Variants in PTGES3L observed in about 807,000 individuals in gnomAD.
The protein encoded by PTGES3L is prostaglandin E synthase 3 like.
PTGES3L carries 17 observed loss-of-function variants against 25.0 expected under a neutral mutation model. That is an observed-to-expected ratio of 0.68 (90% CI 0.47 to 1.02). The LOEUF is 1.02. Ranked by LOEUF, PTGES3L falls within the 50% of genes least tolerant of loss-of-function variation. The pLI is 0.00. For missense variants in PTGES3L, 202 were observed against 197.5 expected (o/e 1.02, Z -0.14); for synonymous variants, 59 against 65.7 (o/e 0.90, Z 0.50).
At chr17:42,970,207 G>A (rs547418424) in intron 6 of PTGES3L, 82 bp downstream of exon 6, 149 of 1,545,770 alleles carry the variant, frequency 9.6e-5, no homozygotes, top group Admixed American at 1.4e-4. Flanking sequence ...CTGTGTGCTA[G>A]GAACTGGGAT....
chr17:42,978,235 C>T (rs146143266), intron 4 of PTGES3L, among the ~76,000 whole-genome samples: 4,685 of 151,850 alleles, frequency 0.031, 110 homozygotes, highest in South Asian at 0.092. Context: ...GGTGAAACCC[C>T]GTCTCTACTA....
intron 4 of PTGES3L, among the ~76,000 whole-genome samples, chr17:42,975,030 A>G (rs974835226): frequency 1.3e-5 from 2 of 150,910 alleles, no homozygotes; most frequent in Admixed American, 1.3e-4. Flanking sequence ...CACCTACTCA[A>G]GAGGCTAAGG....
chr17:42,972,348 C>G (rs2049858492), intron 4 of PTGES3L, among the ~76,000 whole-genome samples: 2 of 143,192 alleles, frequency 1.4e-5, no homozygotes, highest in Non-Finnish European at 3.1e-5. Flanking sequence ...TCCCCATGGT[C>G]TCCCTCTCTT....
At position 42,968,211 on chromosome 17, in the gene PTGES3L, T is replaced by C. The variant is rs1469849732; in HGVS notation, c.*937A>G. On this transcript the variant is annotated 3_prime_UTR_variant, in exon 7 of 7. Transcript: ENST00000591916. ...GCTGTTGGACAAATAAACATAGACATTAACTAGAGTAACAATCAGTTTTAA... is the reference window on the plus strand; with the variant it reads ...GCTGTTGGACAAATAAACATAGACACTAACTAGAGTAACAATCAGTTTTAA... The C allele has an allele frequency of 6.6e-6, 1 of 152,048 alleles. No homozygotes were observed. The highest frequency in any genetic ancestry group is 2.4e-5 in the African/African-American group (1 of 41,412). The allele number at this position is 152,048 out of a possible 1,614,324, so 9.4% of individuals were successfully genotyped here. A position where few individuals can be genotyped will look rare whatever the true frequency, so the allele number is the denominator to read the frequency against.
At position 42,979,559 on chromosome 17, in the gene PTGES3L, A is replaced by G; in HGVS notation, c.113T>C (p.Ile38Thr). 1 of 1,614,126 alleles carries G rather than the reference A, an allele frequency of 6.2e-7. No homozygotes were observed. Among genetic ancestry groups the G allele is most frequent in the Non-Finnish European group, 8.5e-7 (1 of 1,180,010 alleles). Residue 38 changes from isoleucine to threonine, a missense_variant, in exon 2 of 7, where the codon ATT becomes ACT. Transcript: ENST00000591916. ...ACGGCAGGGCCACTACCTGAACACAATGCGGTGATCCTCAATAAGCACGTG... is the reference window on the plus strand; with the variant it reads ...ACGGCAGGGCCACTACCTGAACACAGTGCGGTGATCCTCAATAAGCACGTG... ...DVHVLIEDHR[I>T]VFSCKNADGV...
At position 42,970,297 on chromosome 17, in the gene PTGES3L, C is replaced by A; in HGVS notation, c.424G>T (p.Asp142Tyr). Reference protein sequence around the residue: ...STKRPPPAMDDLDDDSDSADD... With the variant: ...STKRPPPAMDYLDDDSDSADD... The stretch of plus-strand genomic sequence containing the variant: ...GGGAAGGCTTTACTTACATCCAAAT[C>A]ATCCATGGCAGGTGGAGGTCTCTTG... The change falls in exon 6 of 7, where the codon GAT (aspartate) becomes TAT (tyrosine). Residue 142 changes from aspartate to tyrosine, a missense_variant. Physicochemically the swap from Asp to Tyr is radical, Grantham distance 160. Transcript: ENST00000591916. The A allele has an allele frequency of 6.2e-7, 1 of 1,613,926 alleles. No homozygotes were observed. The highest frequency in any genetic ancestry group is 8.5e-7 in the Non-Finnish European group (1 of 1,179,892).
At chr17:42,974,003 T>A (rs367825216) in intron 4 of PTGES3L, among the ~76,000 whole-genome samples, 3 of 145,366 alleles carry the variant, frequency 2.1e-5, no homozygotes, top group African/African-American at 5.1e-5. Context: ...AAAAATAAAT[T>A]AAAAAAAAAT....
Position 42,975,344 on chromosome 17 carries a change from G to C in PTGES3L, c.289-3648C>G, listed in dbSNP as rs566639257. 3.9e-5 allele frequency among the ~76,000 whole-genome samples: 6 copies of C among 152,170 alleles called. No individual in the cohort carries two copies. The East Asian group carries it at 1.2e-3, about 29-fold the overall frequency. On this transcript the variant is annotated intron_variant, in intron 4 of 6. Transcript: ENST00000591916. ...TTGAAGGATGCACAGGGATTGGGTGGGTGAAGGTAGTAATGATGGTAACTT... is the reference window on the plus strand; with the variant it reads ...TTGAAGGATGCACAGGGATTGGGTGCGTGAAGGTAGTAATGATGGTAACTT...
intron 4 of PTGES3L, among the ~76,000 whole-genome samples, chr17:42,973,168 G>C (rs1271240784): frequency 1.4e-5 from 2 of 145,162 alleles, no homozygotes; most frequent in Non-Finnish European, 3.0e-5. Context: ...CTGCCCAGCA[G>C]CCACCCCATC....
Position 42,979,153 on chromosome 17 carries a change from A to G in PTGES3L, c.288+17T>C. 1 of 1,614,136 alleles carries G rather than the reference A, an allele frequency of 6.2e-7. No individual in the cohort carries two copies. The highest frequency in any genetic ancestry group is 8.5e-7 in the Non-Finnish European group (1 of 1,179,982). On this transcript the variant is annotated intron_variant, in intron 4 of 6. Transcript: ENST00000591916. ...GGTACATGGAGAGAAGAAGCAGGCC[A>G]CTTTCCACACACCCACCTTGATATC...
intron 2 of PTGES3L, 30 bp from the exon 3 acceptor site, chr17:42,979,474 G>T: frequency 6.2e-7 from 1 of 1,614,184 alleles, no homozygotes; most frequent in South Asian, 1.1e-5. Flanking sequence ...GAGGAGATGC[G>T]GAATACTCCG....
Position 42,968,739 on chromosome 17 carries a change from G to A in PTGES3L, c.*409C>T, listed in dbSNP as rs534443974. 6.2e-6 allele frequency: 1 copy of A among 161,954 alleles called. No homozygotes were observed. Among genetic ancestry groups the A allele is most frequent in the African/African-American group, 2.4e-5 (1 of 41,908 alleles). The allele number at this position is 161,954 out of a possible 1,614,324, so 10.0% of individuals were successfully genotyped here. On this transcript the variant is annotated 3_prime_UTR_variant, in exon 7 of 7. Coordinates refer to ENST00000591916, the MANE Select transcript of PTGES3L (RefSeq NM_001261430.2). ...AAACAGACAGAGAACAGTTCCTAGAGATTTATTATAATCTGTTTCTTCTTT... is the reference window on the plus strand; with the variant it reads ...AAACAGACAGAGAACAGTTCCTAGAAATTTATTATAATCTGTTTCTTCTTT...
intron 1 of PTGES3L, 109 bp downstream of exon 1, chr17:42,979,937 G>A (rs1567726682): frequency 1.9e-5 from 28 of 1,456,358 alleles, no homozygotes; most frequent in Non-Finnish European, 2.5e-5. Context: ...GAGACCAGGG[G>A]TCCGGGGCTC....
At chr17:42,972,611 C>G (rs1013643144) in intron 4 of PTGES3L, among the ~76,000 whole-genome samples, 6 of 152,110 alleles carry the variant, frequency 3.9e-5, no homozygotes, top group East Asian at 3.9e-4. Context: ...GACGGAGTCT[C>G]GTTCACTCAG....
rs534414209 is a variant in PTGES3L, at chr17:42,979,137, AGAG to A, written c.288+30_288+32del. 20 of 1,612,480 alleles carry A rather than the reference AGAG, an allele frequency of 1.2e-5. No homozygotes were observed. The South Asian group carries it at 2.2e-4, about 18-fold the overall frequency. On this transcript the variant is annotated intron_variant, in intron 4 of 6. Transcript: ENST00000591916. ...TCCCAGCTGTAACCTGGGTACATGG[AGAG>A]AAGAAGCAGGCCACTTTCCACACAC...
intron 4 of PTGES3L, among the ~76,000 whole-genome samples, chr17:42,973,095 C>G (rs1179637401): frequency 1.4e-5 from 2 of 140,948 alleles, no homozygotes; most frequent in Non-Finnish European, 3.1e-5. Context: ...GCAACCACCC[C>G]GTCTGAGAAG....
chr17:42,970,469 T>C (rs2151947187), intron 5 of PTGES3L, 127 bp from the exon 6 acceptor site: 2 of 944,944 alleles, frequency 2.1e-6, no homozygotes, highest in East Asian at 2.5e-5. Context: ...CTTTAAAACA[T>C]CACTGGAATT....
intron 5 of PTGES3L, among the ~76,000 whole-genome samples, chr17:42,971,151 T>G (rs2049828862): frequency 6.6e-6 from 1 of 151,802 alleles, no homozygotes; most frequent in Non-Finnish European, 1.5e-5. Context: ...AATACAAAAA[T>G]TATCCAGAAG....
intron 4 of PTGES3L, among the ~76,000 whole-genome samples, chr17:42,976,297 C>A (rs2049952676): frequency 6.6e-6 from 1 of 152,000 alleles, no homozygotes; most frequent in Non-Finnish European, 1.5e-5. Flanking sequence ...TCAACAGAAG[C>A]TTATAGTCTG....
Sources: gnomAD v4.1 joint callset for allele counts (sites outside exome capture counted in the v4.1 genomes callset) on GRCh38, gnomAD v4.1.1 for gene constraint, MANE v1.5 for transcripts, NCBI Gene and HGNC (gene_info 2026-07-23, HGNC 2026-07-21) for gene names.